CFAP46: variants seen among roughly 807,000 people sequenced by gnomAD.
The protein encoded by CFAP46 is cilia and flagella associated protein 46, also known as cilia- and flagella-associated protein 46.
CFAP46 carries 245 observed loss-of-function variants against 325.7 expected under a neutral mutation model. That is an observed-to-expected ratio of 0.75 (90% CI 0.68 to 0.84). CFAP46 has a LOEUF of 0.84. CFAP46 is among the 40% of genes least tolerant of loss of function. The probability of loss-of-function intolerance (pLI) is 0.00; values close to 1 mark genes in which losing one functional copy is unlikely to be tolerated. For synonymous variants in CFAP46, 1,523 were observed against 1,495.9 expected (o/e 1.02, Z -0.42); for missense variants, 3,346 against 3,543.0 (o/e 0.94, Z 1.41).
chr10:132,870,649 TCA>T (rs1418864986), intron 32 of CFAP46, among the ~76,000 whole-genome samples: 1 of 152,214 alleles, frequency 6.6e-6, no homozygotes, highest in Non-Finnish European at 1.5e-5. Flanking sequence ...AGCCAGGCCC[TCA>T]CTCTCTTCAA....
In CFAP46 at chr10:132,866,023, A is replaced by C. The variant is rs1848807447; in HGVS notation, c.4890+2T>G. The C allele has an allele frequency of 6.6e-7, 1 of 1,503,872 alleles. No individual in the cohort carries two copies. The highest frequency in any genetic ancestry group is 1.4e-5 in the African/African-American group (1 of 71,600). The allele number at this position is 1,503,872 out of a possible 1,614,324, so 93.2% of individuals were successfully genotyped here. ...GGTGATGGGCTGGGAGGGGCTCCTC[A>C]CCTGGAAAGCCAGGTAAGCCTCCGA... On this transcript the variant is annotated splice_donor_variant, in intron 35 of 57. Coordinates refer to ENST00000368586, the MANE Select transcript of CFAP46 (RefSeq NM_001200049.3). LOFTEE classifies it high-confidence loss of function.
rs1564807979 is a variant in CFAP46 at position 132,941,601 on chromosome 10, GC to G, written c.295del (p.Ala99GlnfsTer11). ...CAGGACGCCTCTCACCAGGTTTTCT[GC>G]CGACTTCGGGGCACACATCTGGGCC... is the stretch of plus-strand genomic sequence containing the variant. ...CRAQMCAPKS[A>X]ENLEEFENCV... On this transcript the variant is annotated frameshift_variant, in exon 3 of 58. Transcript: ENST00000368586. LOFTEE classifies it high-confidence loss of function. The G allele has an allele frequency of 1.9e-6, 3 of 1,612,696 alleles. No individual in the cohort carries two copies. The highest frequency in any genetic ancestry group is 2.5e-6 in the Non-Finnish European group (3 of 1,179,246).
chr10:132,923,220 C>T (rs746832097), intron 11 of CFAP46, among the ~76,000 whole-genome samples: 105 of 124,800 alleles, frequency 8.4e-4, no homozygotes, highest in African/African-American at 2.6e-3. Context: ...GTGCCCCGGA[C>T]GCCCTGGCCT....
chr10:132,822,417 G>A (rs1328969821), intron 50 of CFAP46, among the ~76,000 whole-genome samples: 1 of 146,492 alleles, frequency 6.8e-6, no homozygotes, highest in Admixed American at 6.8e-5. Context: ...TGTATGCTGT[G>A]TGTGTGGTGA....
Position 132,882,124 on chromosome 10 carries a change from T to G in CFAP46, c.3628-1092A>C, listed in dbSNP as rs1438627849. On this transcript the variant is annotated intron_variant, in intron 27 of 57. Coordinates refer to ENST00000368586, the MANE Select transcript of CFAP46 (RefSeq NM_001200049.3). ...TGGGGTGTGTGTGGTCTGTATGGGA[T>G]GTGGGGTGTGAGTGGTGTGTGTGGG... Among the ~76,000 whole-genome samples the G allele has an allele frequency of 4.2e-5, 6 of 143,260 alleles. No individual in the cohort carries two copies. In the East Asian group the frequency reaches 1.3e-3, roughly 31 times the overall value. 94.0% of individuals were successfully genotyped at this position (143,260 alleles called of 152,430 possible).
At chr10:132,821,301 G>T (rs1443552011) in intron 50 of CFAP46, among the ~76,000 whole-genome samples, 2 of 141,222 alleles carry the variant, frequency 1.4e-5, no homozygotes, top group Non-Finnish European at 3.0e-5. Flanking sequence ...TGCTGTGTGT[G>T]CTGTGTGTTG....
In CFAP46 at chr10:132,808,724, G is replaced by T. The variant is rs374276507; in HGVS notation, c.7845C>A (p.Ala2615=). 80 of 1,570,246 alleles carry T rather than the reference G, an allele frequency of 5.1e-5. No individual in the cohort carries two copies. In the African/African-American group the frequency reaches 1.0e-3, roughly 20 times the overall value. ...GGAGGTGGGGATGGGTTGGCAGAGG[G>T]GCAGAGCCAAGGGCAGAGGCAAGTG... ...APALASALGS[A]PLPTHPHLPA... The change falls in exon 58 of 58, where the codon GCC becomes GCA. Residue 2615 remains alanine (A), a synonymous_variant. Coordinates refer to ENST00000368586, the MANE Select transcript of CFAP46 (RefSeq NM_001200049.3). This position sits in a 1 kb window ranked among gnomAD's most constrained non-coding sequence, Gnocchi z 6.8.
intron 41 of CFAP46, among the ~76,000 whole-genome samples, chr10:132,849,691 C>T (rs531729331): frequency 6.6e-6 from 1 of 152,230 alleles, no homozygotes; most frequent in East Asian, 1.9e-4. Flanking sequence ...AAGGTCCCGA[C>T]CGCCCTTCTC....
In CFAP46 at chr10:132,847,277, T is replaced by C. The variant is rs770373807; in HGVS notation, c.5997A>G (p.Val1999=). 1 of 1,613,472 alleles carries C rather than the reference T, an allele frequency of 6.2e-7. No individual in the cohort carries two copies. Among genetic ancestry groups the C allele is most frequent in the Non-Finnish European group, 8.5e-7 (1 of 1,179,910 alleles). ...LSGLKSLELE[V]EEEGATKSSR... is the part of the protein sequence containing the mutation. ...TGGACTTTGTGGCACCCTCTTCCTC[T>C]ACCTCCAGCTCCAGAGACTTGAGGC... Residue 1999 remains valine, a synonymous_variant, in exon 42 of 58, where the codon GTA becomes GTG. Transcript: ENST00000368586. This position sits in a 1 kb window ranked among gnomAD's most constrained non-coding sequence, Gnocchi z 5.2.
intron 27 of CFAP46, 81 bp from the exon 28 acceptor site, chr10:132,881,113 CA>C: frequency 7.7e-7 from 1 of 1,297,990 alleles, no homozygotes; most frequent in Non-Finnish European, 1.1e-6. Flanking sequence ...TTTTATTGCT[CA>C]TTTTCTACAA....
chr10:132,887,130 C>T (rs1472219762), intron 25 of CFAP46, among the ~76,000 whole-genome samples: 2 of 142,502 alleles, frequency 1.4e-5, no homozygotes, highest in African/African-American at 2.6e-5. Flanking sequence ...TCTCTCCTCT[C>T]CTCTGTCCTC....
intron 2 of CFAP46, 42 bp downstream of exon 2, chr10:132,941,938 C>G: frequency 6.5e-7 from 1 of 1,548,242 alleles, no homozygotes; most frequent in Non-Finnish European, 8.7e-7. Flanking sequence ...CTCCCTCTCC[C>G]TGTCAAAGCT....
chr10:132,837,023 TTG>T, intron 44 of CFAP46, 109 bp from the exon 45 acceptor site: 1 of 856,624 alleles, frequency 1.2e-6, no homozygotes, highest in South Asian at 1.5e-5. Flanking sequence ...GGCGGGGGCT[TTG>T]TACCCTTCCT....
intron 32 of CFAP46, chr10:132,872,434 T>G: frequency 2.1e-6 from 1 of 472,116 alleles, no homozygotes; most frequent in Non-Finnish European, 3.8e-6. Flanking sequence ...ATTTTTTAAA[T>G]TTTTTGTAGA....
At chr10:132,929,844 G>A (rs1157537403) in intron 8 of CFAP46, 40 bp from the exon 9 acceptor site, 2 of 1,494,272 alleles carry the variant, frequency 1.3e-6, no homozygotes, top group African/African-American at 2.8e-5. Flanking sequence ...CTCAATAGGG[G>A]GCACAGGAAA....
intron 28 of CFAP46, 127 bp from the exon 29 acceptor site, chr10:132,879,758 T>C (rs749340321): frequency 1.1e-5 from 11 of 959,270 alleles, no homozygotes; most frequent in Non-Finnish European, 1.6e-5. Context: ...GGTGCTCCAC[T>C]CTGCTGAGGG....
chr10:132,941,960 G>A lies in CFAP46; in HGVS notation c.174+20C>T, dbSNP rs1333789032. The A allele has an allele frequency of 3.2e-6, 5 of 1,551,312 alleles. No individual in the cohort carries two copies. Among genetic ancestry groups the A allele is most frequent in the African/African-American group, 2.7e-5 (2 of 73,152 alleles). ...TCCCTGTCAAAGCTGCCCTGACCGA[G>A]GATCCCGGGAACTAGTTACCTTCAG... On this transcript the variant is annotated intron_variant, in intron 2 of 57. Coordinates refer to ENST00000368586, the MANE Select transcript of CFAP46 (RefSeq NM_001200049.3).
rs1849121809 is a variant in CFAP46, at chr10:132,885,867, C to T, written c.3397G>A (p.Val1133Met). The change falls in exon 26 of 58, where the codon GTG becomes ATG. Residue 1133 changes from valine (V) to methionine (M), a missense_variant. Physicochemically the swap from Val to Met is conservative, Grantham distance 21 (BLOSUM62 1). Transcript: ENST00000368586. The part of the protein sequence containing the change: ...DQDDWEGGLK[V>M]LDEAVQVLPR... ...AGCACCTGCACAGCCTCGTCCAGCA[C>T]CTTGAGGCCGCCCTCCCAGTCGTCC... The T allele has an allele frequency of 6.5e-7, 1 of 1,549,740 alleles. No homozygotes were observed. The highest frequency in any genetic ancestry group is 1.4e-5 in the African/African-American group (1 of 73,080).
At chr10:132,831,864 C>T (rs1039300648) in intron 50 of CFAP46, among the ~76,000 whole-genome samples, 6 of 151,620 alleles carry the variant, frequency 4.0e-5, no homozygotes, top group African/African-American at 1.2e-4. Flanking sequence ...TCATCTTCTT[C>T]GTTATGTATT....
Sources: gnomAD v4.1 joint callset for allele counts (sites outside exome capture counted in the v4.1 genomes callset) on GRCh38, gnomAD v4.1.1 for gene constraint, Gnocchi (gnomAD v3.1) non-coding constraint, MANE v1.5 for transcripts, NCBI Gene and HGNC (gene_info 2026-07-23, HGNC 2026-07-21) for gene names.